Variants in CSMD1 observed in about 807,000 individuals in gnomAD.
CSMD1 encodes CUB and sushi domain-containing protein 1.
A neutral mutation model predicts 417.5 loss-of-function variants in CSMD1; 213 were observed. That is an observed-to-expected ratio of 0.51 (90% CI 0.46 to 0.57). The LOEUF is 0.57. Among genes scored for constraint, CSMD1 ranks in the 20% least tolerant of loss-of-function variants. The pLI is 0.00. For synonymous variants in CSMD1, 2,862 were observed against 1,736.8 expected (o/e 1.65, Z -16.11); for missense variants, 6,923 against 4,529.7 (o/e 1.53, Z -15.17).
intron 20 of CSMD1, among the ~76,000 whole-genome samples, chr8:3,365,216 A>G (rs1216931495): frequency 6.6e-6 from 1 of 152,252 alleles, no homozygotes; most frequent in Non-Finnish European, 1.5e-5. Flanking sequence ...ACTGCTGATT[A>G]CAACAAATTT....
intron 10 of CSMD1, among the ~76,000 whole-genome samples, 175 bp from the exon 11 acceptor site, chr8:3,493,901 G>C (rs540067732): frequency 6.6e-6 from 1 of 152,068 alleles, no homozygotes; most frequent in East Asian, 1.9e-4. Flanking sequence ...TGATAGCCTG[G>C]CATTATAGAA....
intron 1 of CSMD1, among the ~76,000 whole-genome samples, chr8:4,986,733 G>C (rs1484937759): frequency 6.6e-6 from 1 of 152,046 alleles, no homozygotes; most frequent in Admixed American, 6.5e-5. Flanking sequence ...AAAAAAAGAA[G>C]ATTAGACAGC....
intron 2 of CSMD1, among the ~76,000 whole-genome samples, chr8:4,444,294 C>A (rs1180454984): frequency 1.6e-5 from 2 of 127,264 alleles, no homozygotes; most frequent in South Asian, 5.3e-4. Context: ...TTGCAGTGAA[C>A]TGAGATCTCG....
At chr8:4,578,743 G>C (rs1032462386) in intron 2 of CSMD1, among the ~76,000 whole-genome samples, 3 of 150,454 alleles carry the variant, frequency 2.0e-5, no homozygotes. Context: ...GAACCTGGGA[G>C]GGGGAGGTTG....
In CSMD1 at chr8:4,263,026, C is replaced by T. The variant is rs187054003; in HGVS notation, c.415+156927G>A. Among the ~76,000 whole-genome samples the T allele has an allele frequency of 5.3e-5, 8 of 152,196 alleles. No homozygotes were observed. The East Asian group carries it at 7.7e-4, about 15-fold the overall frequency. ...ACTAATTCTGTCTTGGCCAAATAGT[C>T]TAATGAATGTTAGAACAGAATTGTA... On this transcript the variant is annotated intron_variant, in intron 3 of 69. Coordinates refer to ENST00000635120, the MANE Select transcript of CSMD1 (RefSeq NM_033225.6).
At position 4,029,917 on chromosome 8, in the gene CSMD1, G is replaced by C. The variant is rs193133904; in HGVS notation, c.610+1988C>G. On this transcript the variant is annotated intron_variant, in intron 4 of 69. Transcript: ENST00000635120. Reference sequence around the variant, plus strand: ...ATTGGTCAAAACAAAGGGTCTACTGGCCCTATGTAAGTATAGAATCCAGTG... The same window carrying C: ...ATTGGTCAAAACAAAGGGTCTACTGCCCCTATGTAAGTATAGAATCCAGTG... Among the ~76,000 whole-genome samples, 473 of 152,232 alleles carry C rather than the reference G, an allele frequency of 3.1e-3. 3 individuals carry two copies. The highest frequency in any genetic ancestry group is 6.8e-3 in the Middle Eastern group (2 of 294).
chr8:4,760,595 GA>G (rs1350503972), intron 1 of CSMD1, among the ~76,000 whole-genome samples: 1 of 152,010 alleles, frequency 6.6e-6, no homozygotes, highest in African/African-American at 2.4e-5. Flanking sequence ...TTATACCTAT[GA>G]AAAAATAGAA....
chr8:4,867,498 C>A (rs1159247502), intron 1 of CSMD1, among the ~76,000 whole-genome samples: 6 of 152,076 alleles, frequency 3.9e-5, no homozygotes, highest in Admixed American at 3.9e-4. Context: ...CTCTTCCTAT[C>A]CCAGCCAACC....
chr8:3,552,932 ATT>A (rs1375983175), intron 10 of CSMD1, among the ~76,000 whole-genome samples: 4 of 152,166 alleles, frequency 2.6e-5, no homozygotes, highest in Non-Finnish European at 5.9e-5. Context: ...ATCTGTTATA[ATT>A]TTTGATAAAA....
rs1302322122 is a variant in CSMD1, at chr8:4,265,468, T to C, written c.415+154485A>G. Among the ~76,000 whole-genome samples the C allele has an allele frequency of 3.8e-5, 4 of 105,576 alleles. 1 individual carries two copies. The highest frequency in any genetic ancestry group is 1.0e-4 in the African/African-American group (4 of 38,810). The allele number at this position is 105,576 out of a possible 152,430, so 69.3% of individuals were successfully genotyped here. On this transcript the variant is annotated intron_variant, in intron 3 of 69. Coordinates refer to ENST00000635120, the MANE Select transcript of CSMD1 (RefSeq NM_033225.6). Reference sequence around the variant, plus strand: ...TAACTTAATTTGACCTCGACTGTTATTGGTAAAAATAAATATTGGAACCTG... The same window carrying C: ...TAACTTAATTTGACCTCGACTGTTACTGGTAAAAATAAATATTGGAACCTG...
At chr8:4,697,691 C>G (rs1178410154) in intron 1 of CSMD1, among the ~76,000 whole-genome samples, 6 of 152,112 alleles carry the variant, frequency 3.9e-5, no homozygotes, top group East Asian at 1.9e-4. Context: ...GTTTTAATTA[C>G]TGGACATGAG....
intron 1 of CSMD1, among the ~76,000 whole-genome samples, chr8:4,761,067 G>A (rs1007427988): frequency 4.6e-5 from 7 of 152,080 alleles, no homozygotes; most frequent in Admixed American, 4.6e-4. Context: ...GTGATTATTA[G>A]CAGAAGTATG....
Position 4,251,322 on chromosome 8 carries a change from G to C in CSMD1, c.415+168631C>G, listed in dbSNP as rs140560613. On this transcript the variant is annotated intron_variant, in intron 3 of 69. Transcript: ENST00000635120. ...GTATTACAAGAATGTCATAGTATTT[G>C]CATTATGCCACATTTAATAAAATGT... Among the ~76,000 whole-genome samples, 484 of 152,222 alleles carry C rather than the reference G, an allele frequency of 3.2e-3. 1 individual carries two copies. The highest frequency in any genetic ancestry group is 0.011 in the African/African-American group (457 of 41,546).
intron 2 of CSMD1, among the ~76,000 whole-genome samples, chr8:4,597,945 T>A (rs1160350442): frequency 6.6e-6 from 1 of 151,902 alleles, no homozygotes; most frequent in Non-Finnish European, 1.5e-5. Context: ...ATAAACATCA[T>A]TGTCATCTCT....
chr8:3,302,873 CAGA>C (rs1428265663), intron 25 of CSMD1, among the ~76,000 whole-genome samples: 1 of 152,088 alleles, frequency 6.6e-6, no homozygotes, highest in East Asian at 1.9e-4. Flanking sequence ...AAATATGAGT[CAGA>C]ACTTTGCAAA....
intron 3 of CSMD1, among the ~76,000 whole-genome samples, chr8:4,418,195 C>T (rs899862718): frequency 6.6e-6 from 1 of 151,954 alleles, no homozygotes; most frequent in Non-Finnish European, 1.5e-5. Flanking sequence ...ATCACCATTT[C>T]AAATCGAAAT....
At chr8:3,198,832 A>C (rs961609890) in intron 33 of CSMD1, among the ~76,000 whole-genome samples, 1 of 152,230 alleles carries the variant, frequency 6.6e-6, no homozygotes, top group Admixed American at 6.5e-5. Flanking sequence ...CATTGCTAAG[A>C]AAAAATTTTT....
chr8:4,742,299 A>G (rs1810670490), intron 1 of CSMD1, among the ~76,000 whole-genome samples: 3 of 151,504 alleles, frequency 2.0e-5, no homozygotes, highest in East Asian at 1.9e-4. Flanking sequence ...CAAAGTGCTG[A>G]GATTATAGGC....
chr8:3,797,284 T>C (rs1033636779), intron 5 of CSMD1, among the ~76,000 whole-genome samples: 4 of 151,956 alleles, frequency 2.6e-5, no homozygotes, highest in African/African-American at 9.7e-5. Context: ...AGGTAAAATA[T>C]ACTTCCAGGA....
Sources: allele counts gnomAD v4.1 joint callset (sites outside exome capture counted in the v4.1 genomes callset), GRCh38; gene constraint gnomAD v4.1.1; transcripts MANE v1.5; gene names NCBI Gene and HGNC (gene_info 2026-07-23, HGNC 2026-07-21).